C9orf72: variants seen among roughly 807,000 people sequenced by gnomAD.
The protein encoded by C9orf72 is guanine nucleotide exchange factor C9orf72.
In C9orf72, 44 loss-of-function variants were observed where a neutral mutation model predicts 51.6. The ratio of observed to expected loss-of-function variants is 0.85; its 90% CI spans 0.67 to 1.10. The LOEUF (loss-of-function observed/expected upper bound fraction) is 1.10, where lower values mean the gene tolerates loss of function less well. Among genes scored for constraint, C9orf72 ranks in the 50% least tolerant of loss-of-function variants. C9orf72 has a pLI of 0.00. For missense variants in C9orf72, 607 were observed against 570.6 expected (o/e 1.06, Z -0.65); for synonymous variants, 213 against 194.2 (o/e 1.10, Z -0.81).
chr9:27,557,689 T>C (rs1334307239), intron 7 of C9orf72, among the ~76,000 whole-genome samples: 1 of 152,140 alleles, frequency 6.6e-6, no homozygotes, highest in Non-Finnish European at 1.5e-5. Flanking sequence ...TATGTATAAC[T>C]CAAATAGAAA....
chr9:27,559,868 T>C (rs115555870), intron 6 of C9orf72: 1,813 of 155,378 alleles, frequency 0.012, 40 homozygotes, highest in African/African-American at 0.041. Context: ...AATAAACAAA[T>C]AACATTTCTT....
rs768696956 is a variant in C9orf72 at position 27,560,318 on chromosome 9, A to G, written c.666-19T>C. 6.3e-7 allele frequency: 1 copy of G among 1,589,854 alleles called. No individual in the cohort carries two copies. The highest frequency in any genetic ancestry group is 8.6e-7 in the Non-Finnish European group (1 of 1,168,080). ...GATGGCACTGTAAGTTAAAGAAAACAGATTAAAAACATTGCCTATAAAACA... is the reference window on the plus strand; with the variant it reads ...GATGGCACTGTAAGTTAAAGAAAACGGATTAAAAACATTGCCTATAAAACA... On this transcript the variant is annotated intron_variant, in intron 5 of 10. Transcript: ENST00000380003.
intron 6 of C9orf72, 70 bp downstream of exon 6, chr9:27,560,157 A>T: frequency 9.7e-7 from 1 of 1,026,426 alleles, no homozygotes; most frequent in Non-Finnish European, 1.4e-6. Flanking sequence ...CCTACCATTT[A>T]AATGACAATC....
chr9:27,564,977 G>C (rs971819621), intron 3 of C9orf72, among the ~76,000 whole-genome samples: 3 of 152,148 alleles, frequency 2.0e-5, no homozygotes, highest in Admixed American at 1.3e-4. Flanking sequence ...GGCATTCAAA[G>C]CCAAGGGATA....
chr9:27,560,586 A>C, intron 5 of C9orf72: 1 of 857,946 alleles, frequency 1.2e-6, no homozygotes. Context: ...TAGCTGAAGA[A>C]ATTGACATGT....
At chr9:27,559,057 T>G (rs1415035256) in intron 6 of C9orf72, 1 of 152,904 alleles carries the variant, frequency 6.5e-6, no homozygotes, top group Non-Finnish European at 1.5e-5. Flanking sequence ...TGGGTGGGAT[T>G]TAGAAATCTG....
intron 5 of C9orf72, chr9:27,561,309 G>A (rs1198286321): frequency 1.7e-6 from 2 of 1,201,224 alleles, no homozygotes; most frequent in African/African-American, 3.2e-5. Context: ...GCTTTAATGA[G>A]AAGTAAAACA....
intron 9 of C9orf72, among the ~76,000 whole-genome samples, chr9:27,550,113 ACTTT>A (rs1820875915): frequency 6.7e-6 from 1 of 150,328 alleles, no homozygotes; most frequent in Non-Finnish European, 1.5e-5. Context: ...TAAGTTTATA[ACTTT>A]TTTTTAATAT....
intron 1 of C9orf72, among the ~76,000 whole-genome samples, chr9:27,572,224 C>T (rs1819601972): frequency 1.3e-5 from 2 of 152,198 alleles, no homozygotes; most frequent in Admixed American, 1.3e-4. Context: ...TAATTACTCT[C>T]GTTCTTGTTT....
At chr9:27,562,155 TAAAC>T (rs1031783594) in intron 4 of C9orf72, among the ~76,000 whole-genome samples, 1 of 152,176 alleles carries the variant, frequency 6.6e-6, no homozygotes, top group African/African-American at 2.4e-5. Flanking sequence ...AGTAATGAAA[TAAAC>T]AAAATGAATT....
In C9orf72 at chr9:27,550,080, C is replaced by T. The variant is rs143236448; in HGVS notation, c.1149+570G>A. Reference sequence around the variant, plus strand: ...TTTTACATATCATATATAACATATACTCTACATAACATAATAGGGTTTTAA... The same window carrying T: ...TTTTACATATCATATATAACATATATTCTACATAACATAATAGGGTTTTAA... On this transcript the variant is annotated intron_variant, in intron 9 of 10. Coordinates refer to ENST00000380003, the MANE Select transcript of C9orf72 (RefSeq NM_018325.5). Among the ~76,000 whole-genome samples, 885 of 150,056 alleles carry T rather than the reference C, an allele frequency of 5.9e-3. 23 individuals are homozygous for T. Among genetic ancestry groups the T allele is most frequent in the Admixed American group, 0.043 (644 of 14,998 alleles).
intron 2 of C9orf72, 69 bp from the exon 3 acceptor site, chr9:27,565,659 A>G (rs1254326176): frequency 1.0e-6 from 1 of 979,228 alleles, no homozygotes; most frequent in African/African-American, 1.6e-5. Context: ...TTTTCAATAG[A>G]CATGTTCTTG....
chr9:27,548,843 C>G (rs72727512), intron 9 of C9orf72, among the ~76,000 whole-genome samples, 177 bp from the exon 10 acceptor site: 19,074 of 146,650 alleles, frequency 0.13, 1,602 homozygotes, highest in Non-Finnish European at 0.18. Context: ...TAGGAACAAT[C>G]TGATATTTTT....
intron 1 of C9orf72, among the ~76,000 whole-genome samples, chr9:27,570,359 TTTTC>T (rs1440382341): frequency 3.3e-5 from 5 of 152,220 alleles, no homozygotes; most frequent in African/African-American, 4.8e-5. Flanking sequence ...GCAAACATAT[TTTTC>T]TTTCATTCTT....
intron 5 of C9orf72, chr9:27,560,578 G>T: frequency 1.2e-6 from 1 of 802,838 alleles, no homozygotes; most frequent in Non-Finnish European, 1.6e-6. Flanking sequence ...TCATTTTATA[G>T]CTGAAGAAAT....
rs1554660657 is a variant in C9orf72, at chr9:27,560,280, G to C, written c.685C>G (p.Gln229Glu). 1 of 1,610,076 alleles carries C rather than the reference G, an allele frequency of 6.2e-7. No individual in the cohort carries two copies. Among genetic ancestry groups the C allele is most frequent in the Non-Finnish European group, 8.5e-7 (1 of 1,177,676 alleles). The change falls in exon 6 of 11, where the codon CAA becomes GAA. Residue 229 changes from glutamine to glutamate, a missense_variant. Transcript: ENST00000380003. The part of the protein sequence containing the change: ...FLLNAISSHL[Q>E]TCGCSVVVGS... ...ACTACAACGGAACAGCCACAGGTTT[G>C]CAAGTGTGAGCTGATGGCACTGTAA... is the stretch of plus-strand genomic sequence containing the variant.
intron 8 of C9orf72, among the ~76,000 whole-genome samples, chr9:27,555,437 T>C (rs1820989163): frequency 6.6e-6 from 1 of 152,214 alleles, no homozygotes. Flanking sequence ...TCAAACTGAT[T>C]CTGTAGATAC....
chr9:27,565,645 T>G, intron 2 of C9orf72, 55 bp from the exon 3 acceptor site: 1 of 1,093,258 alleles, frequency 9.1e-7, no homozygotes, highest in Admixed American at 1.8e-5. Flanking sequence ...TGATACTTGC[T>G]TATTTTTCAA....
At chr9:27,573,847 CG>C (rs1428985962), upstream of C9orf72, 2 of 152,242 alleles carry the variant, frequency 1.3e-5, no homozygotes, top group Non-Finnish European at 2.9e-5. Context: ...TCTTTCCTAG[CG>C]GGACACCGTA....
Sources: gnomAD v4.1 joint callset for allele counts (sites outside exome capture counted in the v4.1 genomes callset) on GRCh38, gnomAD v4.1.1 for gene constraint, MANE v1.5 for transcripts, NCBI Gene and HGNC (gene_info 2026-07-23, HGNC 2026-07-21) for gene names.